The following JARID2 variants were observed in gnomAD, a reference collection of about 807,000 sequenced individuals.
JARID2 encodes protein Jumonji.
JARID2 carries 21 observed loss-of-function variants against 125.6 expected under a neutral mutation model. That is an observed-to-expected ratio of 0.17 (90% CI 0.12 to 0.24). The LOEUF (loss-of-function observed/expected upper bound fraction) is 0.24. Among genes scored for constraint, JARID2 ranks in the 10% least tolerant of loss-of-function variants. The pLI is 1.00. For synonymous variants in JARID2, 736 were observed against 661.6 expected (o/e 1.11, Z -1.73); for missense variants, 1,303 against 1,639.6 (o/e 0.79, Z 3.55).
rs1424438621 is a variant in JARID2, at chr6:15,514,340, G to T, written c.3450+918G>T. On this transcript the variant is annotated intron_variant, in intron 16 of 17. Transcript: ENST00000341776. ...CGAAGGGCCTGACCTGCCTCCCCGG[G>T]CCTCGTCCCTTTCCACAGTGCCTCA... 3.3e-5 allele frequency among the ~76,000 whole-genome samples: 5 copies of T among 152,218 alleles called. No homozygotes were observed. In the East Asian group the frequency reaches 9.7e-4, roughly 29 times the overall value.
chr6:15,284,962 A>G (rs1047140427), intron 1 of JARID2, among the ~76,000 whole-genome samples: 7 of 151,976 alleles, frequency 4.6e-5, no homozygotes, highest in African/African-American at 1.7e-4. Context: ...TGCGCCCCTC[A>G]CCTGGATTGC....
chr6:15,419,012 A>T (rs1766365356), intron 3 of JARID2, among the ~76,000 whole-genome samples: 1 of 152,244 alleles, frequency 6.6e-6, no homozygotes, highest in Non-Finnish European at 1.5e-5. Context: ...AATTGGGATT[A>T]TTCAAAGTGA....
intron 1 of JARID2, among the ~76,000 whole-genome samples, chr6:15,362,560 G>C (rs1211101462): frequency 1.3e-5 from 2 of 152,180 alleles, no homozygotes; most frequent in African/African-American, 4.8e-5. Context: ...TTATCAATTA[G>C]GGGTGTTGGT....
chr6:15,349,708 A>C (rs1238290527), intron 1 of JARID2, among the ~76,000 whole-genome samples: 1 of 152,078 alleles, frequency 6.6e-6, no homozygotes. Flanking sequence ...CCTCTCCCCC[A>C]CCACCCCTTA....
chr6:15,327,089 ACACGG>A (rs1762555338), intron 1 of JARID2, among the ~76,000 whole-genome samples: 1 of 152,184 alleles, frequency 6.6e-6, no homozygotes, highest in South Asian at 2.1e-4. Flanking sequence ...CCGACCTGAA[ACACGG>A]CTGATGGGTT....
intron 1 of JARID2, among the ~76,000 whole-genome samples, chr6:15,351,674 G>A (rs549360693): frequency 6.6e-6 from 1 of 152,286 alleles, no homozygotes; most frequent in South Asian, 2.1e-4. Flanking sequence ...TGCTCTTCTT[G>A]GGGAAGTGAC....
intron 1 of JARID2, among the ~76,000 whole-genome samples, chr6:15,320,602 TAAA>T (rs2127439656): frequency 6.6e-6 from 1 of 152,338 alleles, no homozygotes; most frequent in African/African-American, 2.4e-5. Flanking sequence ...ATGCAGTTCT[TAAA>T]GAAGATGAAA....
At chr6:15,378,429 C>G (rs1048618774) in intron 2 of JARID2, among the ~76,000 whole-genome samples, 1 of 152,028 alleles carries the variant, frequency 6.6e-6, no homozygotes, top group African/African-American at 2.4e-5. Flanking sequence ...GCTTCTGCCT[C>G]TGTGTCCTCT....
At chr6:15,255,113 C>A (rs1759610842) in intron 1 of JARID2, among the ~76,000 whole-genome samples, 1 of 148,530 alleles carries the variant, frequency 6.7e-6, no homozygotes, top group Non-Finnish European at 1.5e-5. Context: ...AGTCTTCCGT[C>A]ATACACATTG....
chr6:15,432,385 G>A (rs1349994502), intron 3 of JARID2, among the ~76,000 whole-genome samples: 3 of 152,222 alleles, frequency 2.0e-5, no homozygotes, highest in East Asian at 1.9e-4. Context: ...CTGAGATTGC[G>A]CCACTGCACC....
chr6:15,413,023 G>GTTTTTTTTTTTT (rs1349875486), intron 3 of JARID2, among the ~76,000 whole-genome samples: 2 of 68,006 alleles, frequency 2.9e-5, no homozygotes, highest in South Asian at 4.7e-4. Flanking sequence ...TTTTTTTTTT[G>GTTTTTTTTTTTT]TTTTTTTTTT....
chr6:15,416,028 G>A lies in JARID2; in HGVS notation c.323+5663G>A, dbSNP rs1409482710. ...CCAGACGGGGTCATGGCCCGGTAGA[G>A]GCGCTCCTCACATCCCAGACGGGGC... is the stretch of plus-strand genomic sequence containing the variant. On this transcript the variant is annotated intron_variant, in intron 3 of 17. Coordinates refer to ENST00000341776, the MANE Select transcript of JARID2 (RefSeq NM_004973.4). 2.6e-5 allele frequency among the ~76,000 whole-genome samples: 4 copies of A among 151,866 alleles called. No homozygotes were observed. The East Asian group carries it at 7.8e-4, about 30-fold the overall frequency.
chr6:15,413,812 T>C (rs1287200119), intron 3 of JARID2, among the ~76,000 whole-genome samples: 1 of 152,144 alleles, frequency 6.6e-6, no homozygotes, highest in Non-Finnish European at 1.5e-5. Context: ...CCCTAGATAG[T>C]GACATTATTC....
chr6:15,394,289 C>T (rs1437178072), intron 2 of JARID2, among the ~76,000 whole-genome samples: 1 of 152,112 alleles, frequency 6.6e-6, no homozygotes, highest in Non-Finnish European at 1.5e-5. Flanking sequence ...TCTTTGACAG[C>T]ATAAATGCAA....
chr6:15,249,531 G>A (rs1490073405), intron 1 of JARID2, among the ~76,000 whole-genome samples: 3 of 152,256 alleles, frequency 2.0e-5, no homozygotes, highest in Non-Finnish European at 4.4e-5. Context: ...TTGTAAAATG[G>A]AAAAATACCT....
At chr6:15,459,926 T>C (rs1461971633) in intron 4 of JARID2, among the ~76,000 whole-genome samples, 4 of 152,228 alleles carry the variant, frequency 2.6e-5, no homozygotes, top group Admixed American at 6.5e-5. Flanking sequence ...GGGAATACTT[T>C]ACATTATGTA....
At chr6:15,359,726 T>TA (rs397978020) in intron 1 of JARID2, among the ~76,000 whole-genome samples, 2 of 151,664 alleles carry the variant, frequency 1.3e-5, no homozygotes, top group Non-Finnish European at 2.9e-5. Context: ...TTTTTTTTTT[T>TA]ATTTGAGATG....
In JARID2 at chr6:15,520,691, A is replaced by ACG. The variant is rs1771796380; in HGVS notation, c.*441_*442insGC. ...TAGAAGGGATAGGAGACACACGCGC[A>ACG]CACACACACACACACGAAACTTGAA... On this transcript the variant is annotated 3_prime_UTR_variant, in exon 18 of 18. Coordinates refer to ENST00000341776, the MANE Select transcript of JARID2 (RefSeq NM_004973.4). 6.2e-6 allele frequency: 2 copies of ACG among 321,836 alleles called. No individual in the cohort carries two copies. The highest frequency in any genetic ancestry group is 2.2e-5 in the African/African-American group (1 of 45,854). The allele number at this position is 321,836 out of a possible 1,614,324, so 19.9% of individuals were successfully genotyped here.
intron 4 of JARID2, among the ~76,000 whole-genome samples, chr6:15,454,010 C>T (rs537579935): frequency 6.6e-6 from 1 of 152,278 alleles, no homozygotes; most frequent in African/African-American, 2.4e-5. Flanking sequence ...AAGGGTCTAT[C>T]CGAAGTTCTG....
Sources: gnomAD v4.1 joint callset for allele counts (sites outside exome capture counted in the v4.1 genomes callset) on GRCh38, gnomAD v4.1.1 for gene constraint, MANE v1.5 for transcripts, NCBI Gene and HGNC (gene_info 2026-07-23, HGNC 2026-07-21) for gene names.